Variants in KIF24 observed in about 807,000 individuals in gnomAD.
The protein encoded by KIF24 is kinesin family member 24.
A neutral mutation model predicts 118.9 loss-of-function variants in KIF24; 81 were observed. That is an observed-to-expected ratio of 0.68 (90% confidence interval 0.57 to 0.82). The LOEUF is 0.82. Among genes scored for constraint, KIF24 ranks in the 40% least tolerant of loss-of-function variants. The pLI, the probability that KIF24 is intolerant of heterozygous loss-of-function variation, is 0.00. For missense variants in KIF24, 1,560 were observed against 1,661.6 expected, an observed-to-expected ratio of 0.94 and a Z score of 1.06; for synonymous variants, 599 against 610.0, an observed-to-expected ratio of 0.98 and a Z score of 0.27.
chr9:34,332,112 A>G (rs1837957949), upstream of KIF24, among the ~76,000 whole-genome samples: 1 of 152,190 alleles, frequency 6.6e-6, no homozygotes, highest in African/African-American at 2.4e-5. Flanking sequence ...CAGCTAGAAT[A>G]TCTTTGTAAA....
intron 1 of KIF24, among the ~76,000 whole-genome samples, chr9:34,317,387 TAAAAAA>T (rs34841457): frequency 3.5e-5 from 5 of 144,922 alleles, no homozygotes; most frequent in Non-Finnish European, 7.6e-5. Context: ...GAGACTGTCT[TAAAAAA>T]AAAAAAAAGT....
At chr9:34,320,635 G>A (rs1362004968) in intron 1 of KIF24, among the ~76,000 whole-genome samples, 2 of 101,350 alleles carry the variant, frequency 2.0e-5, no homozygotes, top group African/African-American at 3.6e-5. Flanking sequence ...TTCAGCCTGG[G>A]TGACAAGAAT....
rs1268726144 is a variant in KIF24 at position 34,253,254 on chromosome 9, G to A, written c.*1126C>T. 2 of 152,244 alleles carry A rather than the reference G, an allele frequency of 1.3e-5. No individual in the cohort carries two copies. The highest frequency in any genetic ancestry group is 3.9e-4 in the East Asian group (2 of 5,192). The allele number at this position is 152,244 out of a possible 1,614,324, so 9.4% of individuals were successfully genotyped here. A position where few individuals can be genotyped will look rare whatever the true frequency, so the allele number is the denominator to read the frequency against. The stretch of plus-strand genomic sequence containing the variant: ...TTATCCTTTATCTGAAGGAAATAAA[G>A]GCTCACATAGTAATGGGCGTTCGGG... On this transcript the variant is annotated 3_prime_UTR_variant, in exon 13 of 13. Transcript: ENST00000402558.
intron 6 of KIF24, among the ~76,000 whole-genome samples, chr9:34,279,436 T>C (rs996017858): frequency 2.0e-5 from 3 of 152,294 alleles, no homozygotes; most frequent in Non-Finnish European, 2.9e-5. Context: ...CTGTAAAAAA[T>C]TGTGAATCTC....
chr9:34,254,230 A>G lies in KIF24; in HGVS notation c.*150T>C. The stretch of plus-strand genomic sequence containing the variant: ...GAGGGAGAAGCTGGGACCTATCTGA[A>G]GCCACGTGGGGCTGGGGTGACGCTA... On this transcript the variant is annotated 3_prime_UTR_variant, in exon 13 of 13. Transcript: ENST00000402558. 1 of 805,308 alleles carries G rather than the reference A, an allele frequency of 1.2e-6. No individual in the cohort carries two copies. 49.9% of individuals were successfully genotyped at this position (805,308 alleles called of 1,614,324 possible).
At position 34,256,356 on chromosome 9, in the gene KIF24, C is replaced by G; in HGVS notation, c.3251G>C (p.Ser1084Thr). ...DGATHSLVAE[S>T]TGGPVVSHTV... ...GTGGCTCACAACTGGGCCCCCTGTGCTCTCTGCCACTAGACTGTGCGTAGC... is the reference window on the plus strand; with the variant it reads ...GTGGCTCACAACTGGGCCCCCTGTGGTCTCTGCCACTAGACTGTGCGTAGC... Residue 1084 changes from serine to threonine, a missense_variant, in exon 11 of 13, where the codon AGC (serine) becomes ACC (threonine). Transcript: ENST00000402558. 6.2e-7 allele frequency: 1 copy of G among 1,613,806 alleles called. No homozygotes were observed. The highest frequency in any genetic ancestry group is 8.5e-7 in the Non-Finnish European group (1 of 1,179,878).
rs758911635 is a variant in KIF24, at chr9:34,257,132, G to A, written c.2475C>T (p.Asp825=). ...AAAAAGAATCTTCACTGAAATCACTGTCATCAAGTTCCTCTACTTGGGCTC... is the reference window on the plus strand; with the variant it reads ...AAAAAGAATCTTCACTGAAATCACTATCATCAAGTTCCTCTACTTGGGCTC... ...HDGAQVEELD[D]SDFSEDSFSH... Residue 825 remains aspartate (D), a synonymous_variant, in exon 11 of 13, where the codon GAC becomes GAT. Coordinates refer to ENST00000402558, the MANE Select transcript of KIF24 (RefSeq NM_194313.4). The A allele has an allele frequency of 1.2e-6, 2 of 1,614,036 alleles. No individual in the cohort carries two copies. The highest frequency in any genetic ancestry group is 1.7e-6 in the Non-Finnish European group (2 of 1,179,902).
intron 12 of KIF24, 30 bp from the exon 13 acceptor site, chr9:34,254,550 T>G: frequency 1.2e-6 from 2 of 1,605,922 alleles, no homozygotes; most frequent in Non-Finnish European, 1.7e-6. Flanking sequence ...CGAATACAGC[T>G]TTTGCTCTTG....
chr9:34,318,622 G>T lies in KIF24; in HGVS notation c.-25-7251C>A. 1 of 1,521,412 alleles carries T rather than the reference G, an allele frequency of 6.6e-7. No homozygotes were observed. The highest frequency in any genetic ancestry group is 9.0e-7 in the Non-Finnish European group (1 of 1,114,140). The allele number at this position is 1,521,412 out of a possible 1,614,324, so 94.2% of individuals were successfully genotyped here. On this transcript the variant is annotated intron_variant, in intron 1 of 12. Coordinates refer to ENST00000402558, the MANE Select transcript of KIF24 (RefSeq NM_194313.4). The surrounding 1 kb of genome is among the most constrained non-coding windows in gnomAD (Gnocchi z 4.9). ...AGAACATCCTGGTGTCGCCCGTGGT[G>T]GTGGCCTCGTCGTTGGGGCTCGTGT...
chr9:34,318,711 G>T lies in KIF24; in HGVS notation c.-25-7340C>A. On this transcript the variant is annotated intron_variant, in intron 1 of 12. Transcript: ENST00000402558. The surrounding 1 kb of genome is among the most constrained non-coding windows in gnomAD (Gnocchi z 4.9). ...GCAGTGCTGAGTGCCAAGCAGCTGA[G>T]CGACGAGGAGGTGCACGCCGGCGTG... 1 of 1,506,038 alleles carries T rather than the reference G, an allele frequency of 6.6e-7. No homozygotes were observed. The highest frequency in any genetic ancestry group is 9.0e-7 in the Non-Finnish European group (1 of 1,105,726). 93.3% of individuals were successfully genotyped at this position (1,506,038 alleles called of 1,614,324 possible).
In KIF24 at chr9:34,256,038, T is replaced by C. The variant is rs745403395; in HGVS notation, c.3569A>G (p.Lys1190Arg). 5 of 1,613,866 alleles carry C rather than the reference T, an allele frequency of 3.1e-6. No individual in the cohort carries two copies. Among genetic ancestry groups the C allele is most frequent in the Non-Finnish European group, 3.4e-6 (4 of 1,179,884 alleles). The stretch of plus-strand genomic sequence containing the variant: ...CCCCATATGTATGGTGGTGAAGGGC[T>C]TTCCTGGGAAACCCCAGGAGCCATC... ...GLDGSWGFPG[K>R]PFTTIHMGVP... Residue 1190 changes from lysine to arginine, a missense_variant, in exon 11 of 13, where the codon AAG becomes AGG. Physicochemically the swap from Lys to Arg is conservative, Grantham distance 26 (BLOSUM62 2). Coordinates refer to ENST00000402558, the MANE Select transcript of KIF24 (RefSeq NM_194313.4).
chr9:34,306,909 C>T (rs185337234), intron 2 of KIF24, among the ~76,000 whole-genome samples: 1 of 152,178 alleles, frequency 6.6e-6, no homozygotes, highest in Admixed American at 6.5e-5. Flanking sequence ...ATCTCCATCC[C>T]CACCCTGCTC....
intron 1 of KIF24, among the ~76,000 whole-genome samples, chr9:34,314,714 C>A (rs1029881309): frequency 2.0e-5 from 3 of 152,106 alleles, no homozygotes; most frequent in Non-Finnish European, 2.9e-5. Flanking sequence ...CGTACAAGTA[C>A]AAAATGACGT....
Position 34,256,008 on chromosome 9 carries a change from G to A in KIF24, c.3599C>T (p.Pro1200Leu). ...KPFTTIHMGVPHSGPTLTPRT... is the reference protein window; with the variant it reads ...KPFTTIHMGVLHSGPTLTPRT... ...TGGGGTGAGTGTAGGTCCAGAATGG[G>A]GTACCCCCATATGTATGGTGGTGAA... Residue 1200 changes from proline to leucine, a missense_variant, in exon 11 of 13, where the codon CCC (proline) becomes CTC (leucine). Transcript: ENST00000402558. 6.2e-7 allele frequency: 1 copy of A among 1,613,858 alleles called. No homozygotes were observed. The highest frequency in any genetic ancestry group is 8.5e-7 in the Non-Finnish European group (1 of 1,179,838).
intron 6 of KIF24, chr9:34,282,498 C>T (rs1438570731): frequency 1.4e-5 from 2 of 147,868 alleles, no homozygotes; most frequent in Admixed American, 6.8e-5. Context: ...GAATTGTATA[C>T]TTAAAAAAAA....
chr9:34,312,857 C>G (rs558386765), intron 1 of KIF24, among the ~76,000 whole-genome samples: 214 of 152,282 alleles, frequency 1.4e-3, no homozygotes, highest in African/African-American at 4.8e-3. Flanking sequence ...TGCCACCACA[C>G]CCGGCTAATT....
At chr9:34,309,969 CTT>C (rs201063121) in intron 2 of KIF24, among the ~76,000 whole-genome samples, 48 of 123,418 alleles carry the variant, frequency 3.9e-4, no homozygotes, top group Non-Finnish European at 3.8e-4. Flanking sequence ...ACAAGGAGTA[CTT>C]TTTTTTTTTT....
At chr9:34,307,930 A>C (rs1055360223) in intron 2 of KIF24, among the ~76,000 whole-genome samples, 1 of 151,094 alleles carries the variant, frequency 6.6e-6, no homozygotes, top group Admixed American at 6.6e-5. Flanking sequence ...TCAGTGTTCT[A>C]TTTTTTTCTT....
Position 34,296,965 on chromosome 9 carries a change from T to C in KIF24, c.911+52A>G. On this transcript the variant is annotated intron_variant, in intron 4 of 12. Transcript: ENST00000402558. ...GTGATATTTATAAAGAAATATGGCCTAATGGAAAATAGAAAATAAAAAGCA... is the reference window on the plus strand; with the variant it reads ...GTGATATTTATAAAGAAATATGGCCCAATGGAAAATAGAAAATAAAAAGCA... 3.5e-6 allele frequency: 3 copies of C among 850,138 alleles called. No homozygotes were observed. The South Asian group carries it at 4.8e-5, about 13-fold the overall frequency. The allele number at this position is 850,138 out of a possible 1,614,324, so 52.7% of individuals were successfully genotyped here.
Sources: allele counts gnomAD v4.1 joint callset (sites outside exome capture counted in the v4.1 genomes callset), GRCh38; gene constraint gnomAD v4.1.1; non-coding constraint Gnocchi (gnomAD v3.1); transcripts MANE v1.5; gene names NCBI Gene and HGNC (gene_info 2026-07-23, HGNC 2026-07-21).